SP4: variants seen among roughly 807,000 people sequenced by gnomAD.
SP4 encodes Sp4 transcription factor.
A neutral mutation model predicts 72.8 loss-of-function variants in SP4; 19 were observed. The observed-to-expected ratio is 0.26, with a 90% CI of 0.18 to 0.38. The LOEUF (loss-of-function observed/expected upper bound fraction) is 0.38, where lower values mean the gene tolerates loss of function less well. Ranked by LOEUF, SP4 falls within the 10% of genes least tolerant of loss-of-function variation. The pLI is 1.00. For synonymous variants in SP4, 395 were observed against 333.1 expected, an observed-to-expected ratio of 1.19 and a Z score of -2.02; for missense variants, 1,008 against 926.3, an observed-to-expected ratio of 1.09 and a Z score of -1.14.
intron 5 of SP4, among the ~76,000 whole-genome samples, chr7:21,487,629 G>T (rs1583436332): frequency 6.6e-6 from 1 of 151,934 alleles, no homozygotes; most frequent in Admixed American, 6.6e-5. Flanking sequence ...AATTATCTCA[G>T]TTTTTTAATC....
intron 3 of SP4, among the ~76,000 whole-genome samples, chr7:21,441,415 A>G (rs1003471301): frequency 7.9e-5 from 12 of 152,350 alleles, no homozygotes; most frequent in African/African-American, 2.9e-4. Flanking sequence ...AGGGTTTGCC[A>G]ACCAAACAGC....
In SP4 at chr7:21,512,785, A is replaced by C. The variant is rs1293809072; in HGVS notation, c.*1516A>C. ...GCCATGTTGGCCAGGCTGGTTTCAA[A>C]CTCCTGACCTCAGGTGATCTGCCCA... On this transcript the variant is annotated 3_prime_UTR_variant, in exon 6 of 6. Transcript: ENST00000222584. 6.6e-6 allele frequency: 1 copy of C among 152,178 alleles called. No homozygotes were observed. Among genetic ancestry groups the C allele is most frequent in the African/African-American group, 2.4e-5 (1 of 41,272 alleles). The allele number at this position is 152,178 out of a possible 1,614,324, so 9.4% of individuals were successfully genotyped here.
chr7:21,507,124 G>A (rs1177264846), intron 5 of SP4, among the ~76,000 whole-genome samples: 1 of 152,290 alleles, frequency 6.6e-6, no homozygotes, highest in Non-Finnish European at 1.5e-5. Context: ...TGTAAGAGCT[G>A]TATCCTAGGA....
chr7:21,429,782 C>G lies in SP4; in HGVS notation c.617C>G (p.Ala206Gly), dbSNP rs759680514. The G allele has an allele frequency of 3.1e-6, 5 of 1,614,142 alleles. No homozygotes were observed. In the East Asian group the frequency reaches 8.9e-5, roughly 29 times the overall value. The change falls in exon 3 of 6, where the codon GCT (alanine) becomes GGT (glycine). Residue 206 changes from alanine to glycine, a missense_variant. Ala to Gly is a moderately conservative substitution (Grantham distance 60). This residue lies in a region of SP4 where 893 missense variants were observed against 743.3 expected (regional missense o/e 1.20). Coordinates refer to ENST00000222584, the MANE Select transcript of SP4 (RefSeq NM_003112.5). ...IQLISAGNNQ[A>G]ILTAANRTAS... ...CTCATTTCTGCAGGTAATAATCAAG[C>G]TATACTCACAGCTGCTAACAGGACA...
intron 3 of SP4, among the ~76,000 whole-genome samples, chr7:21,453,258 C>T (rs960627351): frequency 6.6e-6 from 1 of 152,122 alleles, no homozygotes; most frequent in Non-Finnish European, 1.5e-5. Context: ...TCATGAGAGT[C>T]CTGAAAGGTT....
chr7:21,475,466 G>C (rs1208846266), intron 3 of SP4, among the ~76,000 whole-genome samples: 5 of 151,404 alleles, frequency 3.3e-5, no homozygotes, highest in Non-Finnish European at 5.9e-5. Context: ...GTTTCTGCTA[G>C]CATATTTTAT....
At chr7:21,496,466 G>A (rs900646480) in intron 5 of SP4, among the ~76,000 whole-genome samples, 21 of 152,210 alleles carry the variant, frequency 1.4e-4, no homozygotes, top group African/African-American at 5.1e-4. Flanking sequence ...AAATTATTTT[G>A]TGCAACCCCA....
chr7:21,480,239 A>G (rs1414141544), intron 4 of SP4, among the ~76,000 whole-genome samples: 1 of 152,002 alleles, frequency 6.6e-6, no homozygotes, highest in Non-Finnish European at 1.5e-5. Flanking sequence ...TATTGTTTTT[A>G]TCTGATTTTG....
chr7:21,489,179 A>G (rs78363589), intron 5 of SP4, among the ~76,000 whole-genome samples: 2,119 of 152,356 alleles, frequency 0.014, 47 homozygotes, highest in East Asian at 0.08. Flanking sequence ...AATTGTATCA[A>G]TAATTATAAG....
chr7:21,435,572 C>T (rs1046254182), intron 3 of SP4, among the ~76,000 whole-genome samples: 3 of 152,040 alleles, frequency 2.0e-5, no homozygotes, highest in African/African-American at 4.8e-5. Context: ...ATTTGGATTT[C>T]CCTAATGGGC....
rs762820161 is a variant in SP4, at chr7:21,429,501, A to G, written c.336A>G (p.Ser112=). The change falls in exon 3 of 6, where the codon TCA becomes TCG. Residue 112 remains serine (S), a synonymous_variant. Coordinates refer to ENST00000222584, the MANE Select transcript of SP4 (RefSeq NM_003112.5). The part of the protein sequence containing the change: ...WQLVASTPPA[S]KENNVSQPAS... ...TTGTTGCCTCCACTCCTCCTGCTTC[A>G]AAAGAGAATAACGTTTCTCAACCAG... is the stretch of plus-strand genomic sequence containing the variant. 1.2e-6 allele frequency: 2 copies of G among 1,614,214 alleles called. No individual in the cohort carries two copies. The highest frequency in any genetic ancestry group is 1.1e-5 in the South Asian group (1 of 91,088).
chr7:21,460,837 GA>G, intron 3 of SP4, among the ~76,000 whole-genome samples: 1 of 152,030 alleles, frequency 6.6e-6, no homozygotes, highest in African/African-American at 2.4e-5. Flanking sequence ...TACAAACCTT[GA>G]GCTAGACACA....
chr7:21,486,874 C>T (rs1043354482), intron 5 of SP4, among the ~76,000 whole-genome samples: 2 of 152,118 alleles, frequency 1.3e-5, no homozygotes, highest in African/African-American at 2.4e-5. Context: ...TATGTTAAAA[C>T]CACCACAATA....
Position 21,429,692 on chromosome 7 carries a change from G to T in SP4, c.527G>T (p.Gly176Val). The change falls in exon 3 of 6, where the codon GGT becomes GTT. Residue 176 changes from glycine to valine, a missense_variant. Gly to Val is a moderately radical substitution (Grantham distance 109). Transcript: ENST00000222584. Reference protein sequence around the residue: ...QVIPQLQTVEGQQIQINPTSS... With the variant: ...QVIPQLQTVEVQQIQINPTSS... The stretch of plus-strand genomic sequence containing the variant: ...ATTCCACAACTTCAGACAGTGGAAG[G>T]TCAACAAATTCAAATCAATCCAACT... The T allele has an allele frequency of 1.2e-6, 2 of 1,614,152 alleles. No homozygotes were observed. The highest frequency in any genetic ancestry group is 1.7e-6 in the Non-Finnish European group (2 of 1,180,012).
At chr7:21,479,269 T>TC in intron 4 of SP4, among the ~76,000 whole-genome samples, 1 of 151,972 alleles carries the variant, frequency 6.6e-6, no homozygotes, top group East Asian at 1.9e-4. Flanking sequence ...TAGTTGTTTT[T>TC]TTTTTTTAAG....
chr7:21,448,100 A>T (rs141740231), intron 3 of SP4, among the ~76,000 whole-genome samples: 215 of 152,356 alleles, frequency 1.4e-3, no homozygotes, highest in African/African-American at 5.0e-3. Flanking sequence ...CAGGAATTTA[A>T]AATATAATAT....
In SP4 at chr7:21,513,811, T is replaced by C. The variant is rs951849313; in HGVS notation, c.*2542T>C. The C allele has an allele frequency of 6.6e-6, 1 of 151,312 alleles. No homozygotes were observed. Among genetic ancestry groups the C allele is most frequent in the African/African-American group, 2.5e-5 (1 of 40,682 alleles). The allele number at this position is 151,312 out of a possible 1,614,324, so 9.4% of individuals were successfully genotyped here. A position where few individuals can be genotyped will look rare whatever the true frequency, so the allele number is the denominator to read the frequency against. ...CTAGATAGCTTTATAGCATATAAAA[T>C]ATGTTAATTTGTGTTAGCAGGTGCA... On this transcript the variant is annotated 3_prime_UTR_variant, in exon 6 of 6. Coordinates refer to ENST00000222584, the MANE Select transcript of SP4 (RefSeq NM_003112.5).
intron 5 of SP4, among the ~76,000 whole-genome samples, chr7:21,506,580 A>G (rs1371166707): frequency 8.5e-5 from 13 of 152,138 alleles, no homozygotes; most frequent in Admixed American, 8.5e-4. Context: ...TCCACAGTGG[A>G]AACCATGATT....
intron 3 of SP4, among the ~76,000 whole-genome samples, chr7:21,457,125 A>G (rs1332554919): frequency 6.6e-6 from 1 of 152,214 alleles, no homozygotes. Context: ...AACTTCCTAA[A>G]TAAAATAAGA....
Sources: gnomAD v4.1 joint callset for allele counts (sites outside exome capture counted in the v4.1 genomes callset) on GRCh38, gnomAD v4.1.1 for gene constraint, gnomAD v4.1.1 regional missense constraint, MANE v1.5 for transcripts, NCBI Gene and HGNC (gene_info 2026-07-23, HGNC 2026-07-21) for gene names.